The following NOL4L variants were observed in gnomAD, a reference collection of about 807,000 sequenced individuals.
The protein encoded by NOL4L is nucleolar protein 4 like, also known as nucleolar protein 4-like.
NOL4L carries 7 observed loss-of-function variants against 64.5 expected under a neutral mutation model. The observed-to-expected ratio is 0.11, with a 90% confidence interval of 0.06 to 0.20. The LOEUF (loss-of-function observed/expected upper bound fraction) is 0.20, where lower values mean the gene tolerates loss of function less well. Ranked by LOEUF, NOL4L falls within the 10% of genes least tolerant of loss-of-function variation. The probability of loss-of-function intolerance (pLI) is 1.00; values close to 1 mark genes in which losing one functional copy is unlikely to be tolerated. For missense variants in NOL4L, 680 were observed against 967.1 expected, an observed-to-expected ratio of 0.70 and a Z score of 3.94; for synonymous variants, 413 against 401.0, an observed-to-expected ratio of 1.03 and a Z score of -0.36.
At chr20:32,581,896 G>GTC (rs1215086353) in intron 1 of NOL4L, 1 of 152,286 alleles carries the variant, frequency 6.6e-6, no homozygotes, top group Non-Finnish European at 1.5e-5. Flanking sequence ...GTGTGTGTGT[G>GTC]TGTGTGTGTA....
rs1223859055 is a variant in NOL4L, at chr20:32,485,068, A to ACAAAAAAAAAC, written c.700-10327_700-10326insGTTTTTTTTTG. On this transcript the variant is annotated intron_variant, in intron 4 of 10. Coordinates refer to ENST00000621426, the MANE Select transcript of NOL4L (RefSeq NM_001256798.2). ...CTGTGGGGAAATTGCCAAAAAAAAAAAAAAAAAAAAAAAAAAAAACAACTA... is the reference window on the plus strand; with the variant it reads ...CTGTGGGGAAATTGCCAAAAAAAAAACAAAAAAAAACAAAAAAAAAAAAAAAAAAACAACTA... Among the ~76,000 whole-genome samples the ACAAAAAAAAAC allele has an allele frequency of 2.4e-3, 348 of 144,836 alleles. 7 individuals carry two copies. Among genetic ancestry groups the ACAAAAAAAAAC allele is most frequent in the African/African-American group, 8.6e-3 (338 of 39,336 alleles).
At chr20:32,560,052 C>T (rs988572781) in intron 1 of NOL4L, among the ~76,000 whole-genome samples, 2 of 152,230 alleles carry the variant, frequency 1.3e-5, no homozygotes, top group African/African-American at 2.4e-5. Flanking sequence ...CCAGGGCACT[C>T]GCAGAGGTTC....
rs1600603802 is a variant in NOL4L, at chr20:32,444,803, G to A, written c.*2793C>T. 1 of 152,350 alleles carries A rather than the reference G, an allele frequency of 6.6e-6. No homozygotes were observed. The highest frequency in any genetic ancestry group is 2.1e-4 in the South Asian group (1 of 4,826). The allele number at this position is 152,350 out of a possible 1,614,324, so 9.4% of individuals were successfully genotyped here. A position where few individuals can be genotyped will look rare whatever the true frequency, so the allele number is the denominator to read the frequency against. ...TCAGAAGATTTTTAAATGGCTGTGG[G>A]ACAAGGGCTTTGGGAGCTCCTTTTG... On this transcript the variant is annotated 3_prime_UTR_variant, in exon 11 of 11. Coordinates refer to ENST00000621426, the MANE Select transcript of NOL4L (RefSeq NM_001256798.2).
At chr20:32,475,263 C>T (rs778862938) in intron 4 of NOL4L, 16 of 985,338 alleles carry the variant, frequency 1.6e-5, no homozygotes, top group Non-Finnish European at 1.7e-5. Context: ...GCCCAGAGGA[C>T]GTTTCTGTCT....
At chr20:32,583,865 T>C (rs1980685672) in intron 1 of NOL4L, among the ~76,000 whole-genome samples, 1 of 126,266 alleles carries the variant, frequency 7.9e-6, no homozygotes. Flanking sequence ...GGGGAGGGGA[T>C]GGATAGGTCA....
chr20:32,554,095 CG>C, intron 1 of NOL4L, among the ~76,000 whole-genome samples: 1 of 152,122 alleles, frequency 6.6e-6, no homozygotes, highest in African/African-American at 2.4e-5. Context: ...CCAAGGCGGG[CG>C]GATCACAAGG....
At position 32,453,912 on chromosome 20, in the gene NOL4L, C is replaced by A. The variant is rs2013199768; in HGVS notation, c.1120-151G>T. On this transcript the variant is annotated intron_variant, in intron 6 of 10. Coordinates refer to ENST00000621426, the MANE Select transcript of NOL4L (RefSeq NM_001256798.2). This position sits in a 1 kb window ranked among gnomAD's most constrained non-coding sequence, Gnocchi z 5.6. Reference sequence around the variant, plus strand: ...CTGCGAGGCCCTGAGCAAGTCACTCCCCTCTTCTGCTCCCTTCATCTGTGC... The same window carrying A: ...CTGCGAGGCCCTGAGCAAGTCACTCACCTCTTCTGCTCCCTTCATCTGTGC... The A allele has an allele frequency of 1.5e-6, 1 of 671,660 alleles. No homozygotes were observed. The highest frequency in any genetic ancestry group is 2.5e-6 in the Non-Finnish European group (1 of 393,708). The allele number at this position is 671,660 out of a possible 1,614,324, so 41.6% of individuals were successfully genotyped here.
Position 32,491,987 on chromosome 20 carries a change from C to T in NOL4L, c.700-17245G>A, listed in dbSNP as rs1046408953. Among the ~76,000 whole-genome samples the T allele has an allele frequency of 3.9e-5, 6 of 152,086 alleles. 1 individual carries two copies. Among genetic ancestry groups the T allele is most frequent in the Non-Finnish European group, 8.8e-5 (6 of 67,998 alleles). ...TTAGCTGTGCATGATGGCATGCACC[C>T]GTAGTCCCAGCTACTGTGGAGGCTG... On this transcript the variant is annotated intron_variant, in intron 4 of 10. Transcript: ENST00000621426.
intron 4 of NOL4L, among the ~76,000 whole-genome samples, chr20:32,482,652 G>A (rs1028237355): frequency 7.4e-5 from 11 of 148,416 alleles, no homozygotes; most frequent in African/African-American, 2.7e-4. Flanking sequence ...CTTCGCCAGG[G>A]GCCGCCAACG....
Position 32,523,858 on chromosome 20 carries a change from T to C in NOL4L, c.478-2936A>G, listed in dbSNP as rs1284906547. ...CACTGGCAGAGAGAGCAGGAGCTATTTGCAGAGTCGCTGACTTGCAAGGCC... is the reference window on the plus strand; with the variant it reads ...CACTGGCAGAGAGAGCAGGAGCTATCTGCAGAGTCGCTGACTTGCAAGGCC... On this transcript the variant is annotated intron_variant, in intron 2 of 10. Transcript: ENST00000621426. 2.0e-5 allele frequency among the ~76,000 whole-genome samples: 3 copies of C among 152,306 alleles called. No individual in the cohort carries two copies. In the East Asian group the frequency reaches 5.8e-4, roughly 29 times the overall value.
intron 4 of NOL4L, among the ~76,000 whole-genome samples, chr20:32,490,144 A>AAAAAAAAAAAAAAAAC (rs543768294): frequency 8.2e-6 from 1 of 122,208 alleles, no homozygotes; most frequent in Admixed American, 9.2e-5. Flanking sequence ...AAAAAAAAAA[A>AAAAAAAAAAAAAAAAC]ATATATATAC....
chr20:32,498,581 G>A (rs2016787965), intron 4 of NOL4L, among the ~76,000 whole-genome samples: 1 of 149,820 alleles, frequency 6.7e-6, no homozygotes, highest in Non-Finnish European at 1.5e-5. Flanking sequence ...TGGGCAACAC[G>A]TGAAGCCCCA....
intron 5 of NOL4L, among the ~76,000 whole-genome samples, chr20:32,469,969 C>T (rs529958406): frequency 1.3e-5 from 2 of 152,356 alleles, no homozygotes; most frequent in Non-Finnish European, 2.9e-5. Context: ...TGCGGGAGCC[C>T]GTGTGTCCCG....
At chr20:32,584,339 C>A (rs911223785) in intron 1 of NOL4L, among the ~76,000 whole-genome samples, 1 of 151,158 alleles carries the variant, frequency 6.6e-6, no homozygotes, top group African/African-American at 2.4e-5. Context: ...GGCACGGCCA[C>A]GGCCCGGGCA....
rs1439171819 is a variant in NOL4L at position 32,471,687 on chromosome 20, G to A, written c.841+2914C>T. On this transcript the variant is annotated intron_variant, in intron 5 of 10. Coordinates refer to ENST00000621426, the MANE Select transcript of NOL4L (RefSeq NM_001256798.2). ...AAATGTGTCCTCCAGGGTTGGAGGT[G>A]GGCCTGGTGGGAGGTGTCTGGGTCA... Among the ~76,000 whole-genome samples, 4 of 152,142 alleles carry A rather than the reference G, an allele frequency of 2.6e-5. No homozygotes were observed. The East Asian group carries it at 7.7e-4, about 29-fold the overall frequency.
chr20:32,484,421 C>G (rs921969505), intron 4 of NOL4L, among the ~76,000 whole-genome samples: 11 of 152,098 alleles, frequency 7.2e-5, no homozygotes, highest in Non-Finnish European at 1.5e-4. Context: ...CTTCCCCATC[C>G]GCACCGTCTC....
At chr20:32,539,167 T>C (rs1029284981) in intron 1 of NOL4L, among the ~76,000 whole-genome samples, 1 of 152,168 alleles carries the variant, frequency 6.6e-6, no homozygotes, top group African/African-American at 2.4e-5. Context: ...TTTCTCTGCC[T>C]GCTCCAGCAA....
In NOL4L at chr20:32,584,682, G is replaced by A. The variant is rs1415576993; in HGVS notation, c.209C>T (p.Ala70Val). The A allele has an allele frequency of 5.8e-6, 9 of 1,548,026 alleles. No homozygotes were observed. In the East Asian group the frequency reaches 2.2e-4, roughly 38 times the overall value. Residue 70 changes from alanine to valine, a missense_variant, in exon 1 of 11, where the codon GCC (alanine) becomes GTC (valine). By Grantham distance (64) the Ala-to-Val change is moderately conservative. Transcript: ENST00000621426. ...GGTGAGSGPA[A>V]GEKGKFQFWV... Reference sequence around the variant, plus strand: ...GAACTGGAACTTGCCTTTCTCGCCGGCTGCGGGGCCGCTGCCCGCGCCAGT... The same window carrying A: ...GAACTGGAACTTGCCTTTCTCGCCGACTGCGGGGCCGCTGCCCGCGCCAGT...
chr20:32,472,479 C>T (rs1045148764), intron 5 of NOL4L, among the ~76,000 whole-genome samples: 1 of 152,290 alleles, frequency 6.6e-6, no homozygotes, highest in East Asian at 1.9e-4. Context: ...CCTAGTCCTG[C>T]GTCAATAACA....
Sources: gnomAD v4.1 joint callset for allele counts (sites outside exome capture counted in the v4.1 genomes callset) on GRCh38, gnomAD v4.1.1 for gene constraint, Gnocchi (gnomAD v3.1) non-coding constraint, MANE v1.5 for transcripts, NCBI Gene and HGNC (gene_info 2026-07-23, HGNC 2026-07-21) for gene names.